Variants in PPP6R3 observed in about 807,000 individuals in gnomAD.
The protein encoded by PPP6R3 is protein phosphatase 6 regulatory subunit 3, also known as serine/threonine-protein phosphatase 6 regulatory subunit 3.
PPP6R3 carries 38 observed loss-of-function variants against 110.7 expected under a neutral mutation model. The ratio of observed to expected loss-of-function variants is 0.34; its 90% CI spans 0.26 to 0.45. PPP6R3 has a LOEUF of 0.45. PPP6R3 is among the 20% of genes least tolerant of loss of function. The pLI is 1.00. For missense variants in PPP6R3, 870 were observed against 1,062.4 expected, an observed-to-expected ratio of 0.82 and a Z score of 2.52; for synonymous variants, 369 against 373.5, an observed-to-expected ratio of 0.99 and a Z score of 0.14.
rs1944797846 is a variant in PPP6R3, at chr11:68,614,407, G to A, written c.*1290G>A. 7.7e-7 allele frequency: 1 copy of A among 1,292,630 alleles called. No individual in the cohort carries two copies. The highest frequency in any genetic ancestry group is 9.8e-7 in the Non-Finnish European group (1 of 1,021,102). 80.1% of individuals were successfully genotyped at this position (1,292,630 alleles called of 1,614,324 possible). ...TACTTCACCTCTTGCACTTTTAGATGCAAATCAGTTTTTCATTTCTGTAAT... is the reference window on the plus strand; with the variant it reads ...TACTTCACCTCTTGCACTTTTAGATACAAATCAGTTTTTCATTTCTGTAAT... On this transcript the variant is annotated 3_prime_UTR_variant, in exon 24 of 24. Coordinates refer to ENST00000393800, the MANE Select transcript of PPP6R3 (RefSeq NM_001164161.2).
chr11:68,562,984 G>T (rs1178180769), intron 8 of PPP6R3, among the ~76,000 whole-genome samples: 9 of 151,936 alleles, frequency 5.9e-5, no homozygotes, highest in Non-Finnish European at 1.0e-4. Context: ...TATTGATAAC[G>T]TGTGAGAAAA....
chr11:68,592,458 C>A (rs1334777362), intron 18 of PPP6R3, among the ~76,000 whole-genome samples: 1 of 152,194 alleles, frequency 6.6e-6, no homozygotes, highest in African/African-American at 2.4e-5. Flanking sequence ...TTCCAGCCGT[C>A]CAGTCCTCTT....
intron 14 of PPP6R3, among the ~76,000 whole-genome samples, chr11:68,581,411 C>A (rs1320128249): frequency 6.6e-6 from 1 of 152,228 alleles, no homozygotes; most frequent in Non-Finnish European, 1.5e-5. Context: ...TACATCGAAT[C>A]CTATTTTAAC....
At chr11:68,478,647 G>GTTGTTTTTTTT (rs2098860140) in intron 1 of PPP6R3, among the ~76,000 whole-genome samples, 6 of 50,506 alleles carry the variant, frequency 1.2e-4, no homozygotes, top group Non-Finnish European at 1.6e-4. Context: ...CACTTGGTAA[G>GTTGTTTTTTTT]TTTTTTTTTT....
intron 1 of PPP6R3, among the ~76,000 whole-genome samples, chr11:68,471,269 C>G (rs1395862490): frequency 7.5e-6 from 1 of 133,126 alleles, no homozygotes; most frequent in Non-Finnish European, 1.5e-5. Context: ...GGTGACAGAG[C>G]GAGATTCTGT....
intron 3 of PPP6R3, among the ~76,000 whole-genome samples, chr11:68,542,389 G>GTTTTTTTTTTTTTTTTTTTGTTT (rs2099322174): frequency 2.5e-5 from 1 of 40,188 alleles, no homozygotes; most frequent in Non-Finnish European, 4.1e-5. Flanking sequence ...AGAAGCTGCT[G>GTTTTTTTTTTTTTTTTTTTGTTT]TTTTTTTTTT....
At chr11:68,500,625 G>A (rs775752781) in intron 1 of PPP6R3, among the ~76,000 whole-genome samples, 5 of 152,082 alleles carry the variant, frequency 3.3e-5, no homozygotes, top group South Asian at 2.1e-4. Flanking sequence ...CTGCAGGTAC[G>A]TGCCACCACG....
intron 23 of PPP6R3, among the ~76,000 whole-genome samples, chr11:68,612,632 C>A (rs2153982726): frequency 6.6e-6 from 1 of 151,124 alleles, no homozygotes; most frequent in Non-Finnish European, 1.5e-5. Context: ...TTTTTCCCCC[C>A]TTTCCTAGTA....
chr11:68,614,889 G>A lies in PPP6R3; in HGVS notation c.*1772G>A. ...GGATTACTGGTAGATAATATGCTCTGGTCTCGCCTGGTGGTGAGTTTTGCC... is the reference window on the plus strand; with the variant it reads ...GGATTACTGGTAGATAATATGCTCTAGTCTCGCCTGGTGGTGAGTTTTGCC... On this transcript the variant is annotated 3_prime_UTR_variant, in exon 24 of 24. Coordinates refer to ENST00000393800, the MANE Select transcript of PPP6R3 (RefSeq NM_001164161.2). 1.2e-6 allele frequency: 1 copy of A among 843,948 alleles called. No homozygotes were observed. The highest frequency in any genetic ancestry group is 1.9e-6 in the Non-Finnish European group (1 of 522,968). 52.3% of individuals were successfully genotyped at this position (843,948 alleles called of 1,614,324 possible).
intron 2 of PPP6R3, among the ~76,000 whole-genome samples, chr11:68,525,544 G>T (rs1473262349): frequency 1.3e-5 from 2 of 152,164 alleles, no homozygotes; most frequent in Admixed American, 1.3e-4. Context: ...ATTGCTGCTA[G>T]CCTGAAGCTG....
chr11:68,523,185 C>A (rs1375150558), intron 2 of PPP6R3, among the ~76,000 whole-genome samples: 2 of 152,114 alleles, frequency 1.3e-5, no homozygotes, highest in African/African-American at 4.8e-5. Context: ...TTGCAAAATT[C>A]TCTTCAGTGT....
At chr11:68,591,255 T>C (rs1214673790) in intron 17 of PPP6R3, among the ~76,000 whole-genome samples, 1 of 152,162 alleles carries the variant, frequency 6.6e-6, no homozygotes, top group Non-Finnish European at 1.5e-5. Flanking sequence ...CGGTTGCTTT[T>C]CCTTGCTAGG....
chr11:68,536,646 T>A (rs549787827), intron 2 of PPP6R3, among the ~76,000 whole-genome samples: 1 of 152,218 alleles, frequency 6.6e-6, no homozygotes, highest in Non-Finnish European at 1.5e-5. Context: ...CTAGGCTCTT[T>A]TAAATAGCAT....
At chr11:68,542,389 G>GTTTTTTTTTGTTTTTTTTTTTTTT (rs1555132287) in intron 3 of PPP6R3, among the ~76,000 whole-genome samples, 3 of 40,206 alleles carry the variant, frequency 7.5e-5, no homozygotes, top group Non-Finnish European at 1.2e-4. Context: ...AGAAGCTGCT[G>GTTTTTTTTTGTTTTTTTTTTTTTT]TTTTTTTTTT....
intron 1 of PPP6R3, among the ~76,000 whole-genome samples, chr11:68,482,233 A>G (rs2098919094): frequency 6.6e-6 from 1 of 151,358 alleles, no homozygotes; most frequent in South Asian, 2.1e-4. Context: ...AAAAAAAAAA[A>G]AAAAAAACCA....
chr11:68,609,532 T>C (rs1942242432), intron 22 of PPP6R3: 5 of 1,463,472 alleles, frequency 3.4e-6, no homozygotes, highest in Non-Finnish European at 4.7e-6. Flanking sequence ...GGACATATTA[T>C]TCCCCCAAAT....
chr11:68,579,208 C>T lies in PPP6R3; in HGVS notation c.1545+3165C>T, dbSNP rs987938875. On this transcript the variant is annotated intron_variant, in intron 14 of 23. Coordinates refer to ENST00000393800, the MANE Select transcript of PPP6R3 (RefSeq NM_001164161.2). ...AGGTTATGTTGATGCTGGGGGTCCT[C>T]AGTGGGACCATACTTTGAGGATCAA... 3.3e-5 allele frequency among the ~76,000 whole-genome samples: 5 copies of T among 152,144 alleles called. No individual in the cohort carries two copies. In the South Asian group the frequency reaches 1.0e-3, roughly 32 times the overall value.
At chr11:68,486,034 T>C (rs569675714) in intron 1 of PPP6R3, among the ~76,000 whole-genome samples, 6 of 150,462 alleles carry the variant, frequency 4.0e-5, no homozygotes, top group Non-Finnish European at 7.4e-5. Context: ...AAAAAAAAGC[T>C]ACACCTAATT....
intron 6 of PPP6R3, among the ~76,000 whole-genome samples, chr11:68,552,716 A>G (rs1431863134): frequency 6.6e-6 from 1 of 152,180 alleles, no homozygotes; most frequent in Non-Finnish European, 1.5e-5. Flanking sequence ...CCCCGTTGAC[A>G]GGGAGGAGTT....
Sources: gnomAD v4.1 joint callset for allele counts (sites outside exome capture counted in the v4.1 genomes callset) on GRCh38, gnomAD v4.1.1 for gene constraint, MANE v1.5 for transcripts, NCBI Gene and HGNC (gene_info 2026-07-23, HGNC 2026-07-21) for gene names.